PCDH15: variants seen among roughly 807,000 people sequenced by gnomAD.
PCDH15 encodes the protein protocadherin-15.
A neutral mutation model predicts 178.5 loss-of-function variants in PCDH15; 129 were observed. That is an observed-to-expected ratio of 0.72 (90% confidence interval 0.63 to 0.84). The LOEUF is 0.84. Ranked by LOEUF, PCDH15 falls within the 40% of genes least tolerant of loss-of-function variation. The pLI is 0.00. For synonymous variants in PCDH15, 800 were observed against 732.0 expected (o/e 1.09, Z -1.50); for missense variants, 2,230 against 2,099.9 (o/e 1.06, Z -1.21).
At chr10:54,224,127 T>G (rs2053183686) in intron 9 of PCDH15, among the ~76,000 whole-genome samples, 1 of 152,194 alleles carries the variant, frequency 6.6e-6, no homozygotes. Flanking sequence ...AAGAGAACAC[T>G]GTCTTCTGGG....
chr10:55,464,009 GAAAGA>G (rs1839767234), intron 2 of PCDH15, among the ~76,000 whole-genome samples: 1 of 84,336 alleles, frequency 1.2e-5, no homozygotes, highest in Non-Finnish European at 2.4e-5. Context: ...AAGAAAGAAA[GAAAGA>G]AAGAAAGAAA....
At chr10:54,523,994 T>A (rs1046634691) in intron 3 of PCDH15, among the ~76,000 whole-genome samples, 2 of 152,122 alleles carry the variant, frequency 1.3e-5, no homozygotes, top group Non-Finnish European at 2.9e-5. Flanking sequence ...CTTAGGAAAG[T>A]TCTGTACAAA....
intron 3 of PCDH15, among the ~76,000 whole-genome samples, chr10:54,434,596 C>G (rs2075259341): frequency 6.6e-6 from 1 of 152,146 alleles, no homozygotes; most frequent in African/African-American, 2.4e-5. Flanking sequence ...GCTATAACAT[C>G]TAGGTTTGTG....
At chr10:55,187,525 G>A (rs1016346951) in intron 1 of PCDH15, among the ~76,000 whole-genome samples, 9 of 151,774 alleles carry the variant, frequency 5.9e-5, no homozygotes, top group Non-Finnish European at 1.2e-4. Flanking sequence ...ACAACTTTAG[G>A]GCTGATAATA....
intron 23 of PCDH15, among the ~76,000 whole-genome samples, chr10:53,951,329 C>CA: frequency 6.6e-6 from 1 of 150,414 alleles, no homozygotes; most frequent in South Asian, 2.1e-4. Context: ...CCACCCCCAC[C>CA]AAAAAATGAA....
At chr10:55,164,756 C>T (rs1291870284) in intron 2 of PCDH15, among the ~76,000 whole-genome samples, 2 of 152,010 alleles carry the variant, frequency 1.3e-5, no homozygotes, top group African/African-American at 4.8e-5. Context: ...TTCATGACTA[C>T]CATTTTACAC....
At chr10:54,483,435 G>T in intron 3 of PCDH15, among the ~76,000 whole-genome samples, 1 of 151,804 alleles carries the variant, frequency 6.6e-6, no homozygotes, top group East Asian at 1.9e-4. Flanking sequence ...CTTTCCATTT[G>T]CAGAAATGGT....
At chr10:55,105,915 C>T (rs1842662851) in intron 2 of PCDH15, among the ~76,000 whole-genome samples, 1 of 152,112 alleles carries the variant, frequency 6.6e-6, no homozygotes, top group East Asian at 1.9e-4. Context: ...TCAATGACTA[C>T]ATGGAATGAG....
At chr10:55,305,104 C>G (rs563868852) in intron 1 of PCDH15, among the ~76,000 whole-genome samples, 1 of 152,164 alleles carries the variant, frequency 6.6e-6, no homozygotes, top group Non-Finnish European at 1.5e-5. Flanking sequence ...ACTATTACCT[C>G]GGCTTATCTT....
Position 54,753,987 on chromosome 10 carries a change from TA to T in PCDH15, c.-29+46937del, listed in dbSNP as rs562834371. ...CCACGGCCGGCTGATTTTTTTTTTTTATTATTATTATTTTTTATTTTTAGTA... is the reference window on the plus strand; with the variant it reads ...CCACGGCCGGCTGATTTTTTTTTTTTTTATTATTATTTTTTATTTTTAGTA... On this transcript the variant is annotated intron_variant, in intron 1 of 37. Transcript: ENST00000644397. Among the ~76,000 whole-genome samples, 6 of 100,216 alleles carry T rather than the reference TA, an allele frequency of 6.0e-5. No homozygotes were observed. The South Asian group carries it at 8.8e-4, about 15-fold the overall frequency. 65.7% of individuals were successfully genotyped at this position (100,216 alleles called of 152,430 possible). A position where few individuals can be genotyped will look rare whatever the true frequency, so the allele number is the denominator to read the frequency against.
intron 2 of PCDH15, among the ~76,000 whole-genome samples, chr10:54,934,672 G>A (rs866259334): frequency 6.6e-5 from 10 of 150,866 alleles, no homozygotes; most frequent in African/African-American, 1.2e-4. Flanking sequence ...TCAGTGTGGC[G>A]ATTCCTCAGG....
chr10:55,408,411 C>T (rs1220118031), intron 2 of PCDH15, among the ~76,000 whole-genome samples: 2 of 151,970 alleles, frequency 1.3e-5, no homozygotes, highest in Non-Finnish European at 2.9e-5. Flanking sequence ...GTCTTGAACT[C>T]CTGACCACGT....
intron 1 of PCDH15, among the ~76,000 whole-genome samples, chr10:54,731,667 CAGG>C (rs1943428282): frequency 6.7e-6 from 1 of 148,842 alleles, no homozygotes; most frequent in Non-Finnish European, 1.5e-5. Context: ...CATGATGGAA[CAGG>C]AGGTCATTAT....
intron 21 of PCDH15, among the ~76,000 whole-genome samples, chr10:53,986,251 A>G (rs1336968869): frequency 1.3e-5 from 2 of 152,236 alleles, no homozygotes; most frequent in Non-Finnish European, 2.9e-5. Flanking sequence ...CATAATGGAA[A>G]TAAAGTCAAA....
intron 2 of PCDH15, among the ~76,000 whole-genome samples, chr10:55,626,261 G>C (rs1837527542): frequency 6.6e-6 from 1 of 152,182 alleles, no homozygotes. Flanking sequence ...TTAATGTAAA[G>C]GGATCCTTGC....
chr10:55,614,214 A>G (rs1490580669), intron 2 of PCDH15, among the ~76,000 whole-genome samples: 2 of 152,176 alleles, frequency 1.3e-5, no homozygotes, highest in Non-Finnish European at 2.9e-5. Flanking sequence ...CTTAACAGTC[A>G]GGAAGCGTGT....
intron 25 of PCDH15, among the ~76,000 whole-genome samples, chr10:53,923,151 C>T (rs1460127582): frequency 6.6e-6 from 1 of 152,130 alleles, no homozygotes; most frequent in African/African-American, 2.4e-5. Context: ...GTCTTGATGG[C>T]AAGCATATGC....
chr10:55,464,145 C>G (rs1299823213), intron 2 of PCDH15, among the ~76,000 whole-genome samples: 1 of 151,960 alleles, frequency 6.6e-6, no homozygotes, highest in East Asian at 1.9e-4. Context: ...TCGGATCAAC[C>G]AATGTTGTTT....
intron 2 of PCDH15, among the ~76,000 whole-genome samples, chr10:55,113,920 T>G (rs1047118990): frequency 1.3e-5 from 2 of 152,164 alleles, no homozygotes; most frequent in African/African-American, 4.8e-5. Flanking sequence ...GCTCAAACTT[T>G]GAACAAGTAT....
Sources: gnomAD v4.1 joint callset for allele counts (sites outside exome capture counted in the v4.1 genomes callset) on GRCh38, gnomAD v4.1.1 for gene constraint, MANE v1.5 for transcripts, NCBI Gene and HGNC (gene_info 2026-07-23, HGNC 2026-07-21) for gene names.